Variants in PSMA8 observed in about 807,000 individuals in gnomAD.
PSMA8 encodes proteasome subunit alpha-type 8.
Under a neutral mutation model 32.4 loss-of-function variants are expected in PSMA8, and 18 were observed. That is an observed-to-expected ratio of 0.56 (90% CI 0.38 to 0.82). The LOEUF is 0.82. Among genes scored for constraint, PSMA8 ranks in the 40% least tolerant of loss-of-function variants. The pLI, the probability that PSMA8 is intolerant of heterozygous loss-of-function variation, is 0.00. For missense variants in PSMA8, 298 were observed against 300.7 expected (o/e 0.99, Z 0.07); for synonymous variants, 104 against 98.1 (o/e 1.06, Z -0.36).
intron 1 of PSMA8, among the ~76,000 whole-genome samples, chr18:26,134,681 G>T (rs181438430): frequency 2.1e-3 from 325 of 152,266 alleles, no homozygotes; most frequent in African/African-American, 7.7e-3. Flanking sequence ...ATTGCTGGGC[G>T]CAGTGGCTCA....
Position 26,186,149 on chromosome 18 carries a change from T to C in PSMA8, c.661-6170T>C, listed in dbSNP as rs1050838247. Among the ~76,000 whole-genome samples the C allele has an allele frequency of 2.7e-5, 4 of 146,212 alleles. 1 individual carries two copies. Among genetic ancestry groups the C allele is most frequent in the Non-Finnish European group, 5.9e-5 (4 of 67,398 alleles). On this transcript the variant is annotated intron_variant, in intron 6 of 6. Transcript: ENST00000415576. ...CTGTAGTCCCAGCTACTTGGGAGGCTGAGGCAGGAGAATCACTTGAACCTG... is the reference window on the plus strand; with the variant it reads ...CTGTAGTCCCAGCTACTTGGGAGGCCGAGGCAGGAGAATCACTTGAACCTG...
chr18:26,141,873 A>T (rs1212371660), intron 1 of PSMA8, among the ~76,000 whole-genome samples: 2 of 151,262 alleles, frequency 1.3e-5, no homozygotes, highest in Non-Finnish European at 2.9e-5. Context: ...TTTTGTAGAG[A>T]TATAATCCCA....
At chr18:26,182,099 G>A (rs569012550) in intron 6 of PSMA8, among the ~76,000 whole-genome samples, 127 of 152,266 alleles carry the variant, frequency 8.3e-4, no homozygotes, top group Middle Eastern at 3.4e-3. Flanking sequence ...GAAAAGGCTG[G>A]AGCTAACAGA....
intron 4 of PSMA8, among the ~76,000 whole-genome samples, chr18:26,163,250 T>TATATATATATATA (rs1555662103): frequency 3.2e-5 from 3 of 94,548 alleles, no homozygotes; most frequent in African/African-American, 1.2e-4. Context: ...TATATATATA[T>TATATATATATATA]ATATATATAT....
chr18:26,163,920 G>T (rs575347560), intron 4 of PSMA8, among the ~76,000 whole-genome samples: 15 of 152,308 alleles, frequency 9.8e-5, no homozygotes, highest in African/African-American at 3.1e-4. Flanking sequence ...GAGGCATTGG[G>T]CCAGGGAAAG....
chr18:26,188,646 C>T (rs1055229111), intron 6 of PSMA8, among the ~76,000 whole-genome samples: 9 of 151,996 alleles, frequency 5.9e-5, no homozygotes, highest in African/African-American at 2.2e-4. Flanking sequence ...AAGACAGACA[C>T]ATAGATTAAT....
At chr18:26,167,764 G>T (rs570808148) in intron 4 of PSMA8, among the ~76,000 whole-genome samples, 3 of 152,016 alleles carry the variant, frequency 2.0e-5, no homozygotes, top group Non-Finnish European at 4.4e-5. Flanking sequence ...AACCAAAATT[G>T]CTAGCACCTT....
At chr18:26,141,411 ATTG>A (rs1315896584) in intron 1 of PSMA8, among the ~76,000 whole-genome samples, 1 of 152,150 alleles carries the variant, frequency 6.6e-6, no homozygotes, top group Non-Finnish European at 1.5e-5. Context: ...AGAGTTATAA[ATTG>A]TTGTCTTGTG....
intron 6 of PSMA8, among the ~76,000 whole-genome samples, chr18:26,191,915 C>T (rs1016390168): frequency 1.3e-5 from 2 of 152,312 alleles, no homozygotes; most frequent in Admixed American, 6.5e-5. Flanking sequence ...CATTTCATTT[C>T]GCTATTCTAT....
intron 4 of PSMA8, among the ~76,000 whole-genome samples, chr18:26,171,618 C>T (rs901165224): frequency 1.1e-4 from 17 of 152,088 alleles, no homozygotes; most frequent in African/African-American, 3.4e-4. Context: ...CCTATAATCC[C>T]AGCTACTTGG....
At chr18:26,169,815 T>C (rs1368016310) in intron 4 of PSMA8, among the ~76,000 whole-genome samples, 2 of 122,028 alleles carry the variant, frequency 1.6e-5, no homozygotes, top group East Asian at 4.7e-4. Flanking sequence ...CATTGCATGC[T>C]AGCCTGGGCA....
At chr18:26,175,839 G>C (rs931736007) in intron 4 of PSMA8, among the ~76,000 whole-genome samples, 1 of 152,174 alleles carries the variant, frequency 6.6e-6, no homozygotes, top group Non-Finnish European at 1.5e-5. Flanking sequence ...ATGCTCTCAA[G>C]ATAGCTGCTA....
chr18:26,190,692 T>C (rs1265280052), intron 6 of PSMA8, among the ~76,000 whole-genome samples: 1 of 152,208 alleles, frequency 6.6e-6, no homozygotes, highest in African/African-American at 2.4e-5. Flanking sequence ...GAGGTTGCAG[T>C]GAGCTGTGAT....
At chr18:26,159,204 G>C (rs553744090) in intron 4 of PSMA8, among the ~76,000 whole-genome samples, 101 of 152,208 alleles carry the variant, frequency 6.6e-4, no homozygotes, top group Non-Finnish European at 1.3e-3. Context: ...TAAATTAATG[G>C]AGAAATATTG....
chr18:26,182,806 A>G (rs2055322158), intron 6 of PSMA8, among the ~76,000 whole-genome samples: 1 of 152,102 alleles, frequency 6.6e-6, no homozygotes, highest in Non-Finnish European at 1.5e-5. Context: ...CTCTACCAAC[A>G]TTGGCTGGGC....
At chr18:26,190,907 A>G (rs1365096031) in intron 6 of PSMA8, among the ~76,000 whole-genome samples, 2 of 152,208 alleles carry the variant, frequency 1.3e-5, no homozygotes, top group African/African-American at 4.8e-5. Context: ...GCAGGTAAGA[A>G]TTATATTCTT....
chr18:26,134,709 C>T (rs930390561), intron 1 of PSMA8, among the ~76,000 whole-genome samples: 1 of 152,202 alleles, frequency 6.6e-6, no homozygotes, highest in African/African-American at 2.4e-5. Context: ...AATCCCAGCA[C>T]TTTGGAAGGC....
At chr18:26,165,004 AC>A (rs2055166599) in intron 4 of PSMA8, among the ~76,000 whole-genome samples, 1 of 151,766 alleles carries the variant, frequency 6.6e-6, no homozygotes. Flanking sequence ...TGCAGCCTCC[AC>A]CTCCCAGGTT....
intron 4 of PSMA8, among the ~76,000 whole-genome samples, chr18:26,162,045 GA>G (rs1271807883): frequency 1.3e-5 from 2 of 152,052 alleles, no homozygotes; most frequent in African/African-American, 2.4e-5. Context: ...TTTGACAGAT[GA>G]AAAAATTCTA....
Sources: allele counts gnomAD v4.1 joint callset (sites outside exome capture counted in the v4.1 genomes callset), GRCh38; gene constraint gnomAD v4.1.1; transcripts MANE v1.5; gene names NCBI Gene and HGNC (gene_info 2026-07-23, HGNC 2026-07-21).